Variants in DYNC1I1 observed in about 807,000 individuals in gnomAD.
DYNC1I1 encodes dynein cytoplasmic 1 intermediate chain 1.
DYNC1I1 carries 43 observed loss-of-function variants against 86.6 expected under a neutral mutation model. The ratio of observed to expected loss-of-function variants is 0.50; its 90% confidence interval spans 0.39 to 0.64. DYNC1I1 has a LOEUF of 0.64. DYNC1I1 is among the 30% of genes least tolerant of loss of function. The pLI, the probability that DYNC1I1 is intolerant of heterozygous loss-of-function variation, is 0.00. For missense variants in DYNC1I1, 604 were observed against 788.8 expected, an observed-to-expected ratio of 0.77 and a Z score of 2.81; for synonymous variants, 262 against 283.7, an observed-to-expected ratio of 0.92 and a Z score of 0.77.
intron 1 of DYNC1I1, among the ~76,000 whole-genome samples, chr7:95,775,427 G>A (rs1326127404): frequency 6.6e-6 from 1 of 152,200 alleles, no homozygotes; most frequent in Non-Finnish European, 1.5e-5. Flanking sequence ...GGCAGAGGTA[G>A]GATTCAAATG....
chr7:95,958,701 A>G (rs1399246470), intron 6 of DYNC1I1, among the ~76,000 whole-genome samples: 2 of 152,262 alleles, frequency 1.3e-5, no homozygotes, highest in Non-Finnish European at 2.9e-5. Context: ...GAATTTTCTA[A>G]GCTAATTGAC....
At chr7:95,917,768 C>T (rs1381159003) in intron 6 of DYNC1I1, among the ~76,000 whole-genome samples, 1 of 152,188 alleles carries the variant, frequency 6.6e-6, no homozygotes, top group African/African-American at 2.4e-5. Flanking sequence ...GGGCACTGGG[C>T]ACTCGCCGTC....
intron 4 of DYNC1I1, among the ~76,000 whole-genome samples, chr7:95,817,856 T>C (rs1237115841): frequency 1.3e-5 from 2 of 152,148 alleles, no homozygotes; most frequent in Non-Finnish European, 2.9e-5. Context: ...CACAAGGGAC[T>C]TTGCACTAGG....
intron 15 of DYNC1I1, among the ~76,000 whole-genome samples, chr7:96,078,519 G>T (rs1317879668): frequency 6.6e-6 from 1 of 152,064 alleles, no homozygotes; most frequent in East Asian, 1.9e-4. Context: ...TATATGAAAA[G>T]AAACTATTTT....
chr7:95,988,644 A>G (rs932633804), intron 9 of DYNC1I1, among the ~76,000 whole-genome samples: 3 of 152,234 alleles, frequency 2.0e-5, no homozygotes, highest in South Asian at 4.1e-4. Flanking sequence ...TCCTTCCTGC[A>G]ATAACACTGA....
At chr7:95,870,341 C>T (rs1790129737) in intron 6 of DYNC1I1, among the ~76,000 whole-genome samples, 1 of 152,064 alleles carries the variant, frequency 6.6e-6, no homozygotes, top group African/African-American at 2.4e-5. Flanking sequence ...GAATCTTAAG[C>T]ATACATTAAG....
chr7:95,801,192 C>T (rs149051612), intron 1 of DYNC1I1, among the ~76,000 whole-genome samples: 28 of 152,286 alleles, frequency 1.8e-4, no homozygotes, highest in Admixed American at 1.4e-3. Context: ...TAACCTACTG[C>T]ATTTAAAGAC....
chr7:96,045,217 G>A (rs944600301), intron 14 of DYNC1I1, among the ~76,000 whole-genome samples: 1 of 152,188 alleles, frequency 6.6e-6, no homozygotes, highest in African/African-American at 2.4e-5. Flanking sequence ...AGTAACATAA[G>A]ATATTACTGT....
At chr7:95,846,627 C>CTG (rs1236489557) in intron 5 of DYNC1I1, among the ~76,000 whole-genome samples, 2,097 of 136,512 alleles carry the variant, frequency 0.015, 63 homozygotes, top group African/African-American at 0.054. Context: ...ATCTCTCTCT[C>CTG]TGTGTGTGTG....
At chr7:95,957,120 A>G (rs956659367) in intron 6 of DYNC1I1, among the ~76,000 whole-genome samples, 3 of 152,220 alleles carry the variant, frequency 2.0e-5, no homozygotes, top group Non-Finnish European at 2.9e-5. Flanking sequence ...CAATAGGGGC[A>G]ATATAATGAA....
At chr7:96,045,234 G>A (rs1789174393) in intron 14 of DYNC1I1, among the ~76,000 whole-genome samples, 1 of 152,232 alleles carries the variant, frequency 6.6e-6, no homozygotes, top group African/African-American at 2.4e-5. Context: ...CTGTTAGAAA[G>A]TGAGATGTTT....
chr7:95,831,293 A>T (rs1424839431), intron 5 of DYNC1I1, among the ~76,000 whole-genome samples: 1 of 152,140 alleles, frequency 6.6e-6, no homozygotes, highest in Non-Finnish European at 1.5e-5. Context: ...TTGATTTTTA[A>T]GCAATTATTT....
At chr7:95,866,122 T>G (rs1254055786) in intron 5 of DYNC1I1, among the ~76,000 whole-genome samples, 1 of 152,160 alleles carries the variant, frequency 6.6e-6, no homozygotes, top group Admixed American at 6.5e-5. Context: ...CTCCTTTGCT[T>G]AGTTTAACTT....
At chr7:95,938,639 G>T (rs1259300147) in intron 6 of DYNC1I1, among the ~76,000 whole-genome samples, 1 of 152,216 alleles carries the variant, frequency 6.6e-6, no homozygotes, top group Middle Eastern at 3.4e-3. Context: ...CTGTAATATG[G>T]ATCATGAGGT....
At chr7:95,839,139 T>A (rs1789205745) in intron 5 of DYNC1I1, among the ~76,000 whole-genome samples, 1 of 151,992 alleles carries the variant, frequency 6.6e-6, no homozygotes, top group Non-Finnish European at 1.5e-5. Context: ...CAAGCAATTC[T>A]CCTGCCTCAG....
intron 7 of DYNC1I1, 87 bp from the exon 8 acceptor site, chr7:95,984,728 C>T (rs1793540856): frequency 7.5e-7 from 1 of 1,327,152 alleles, no homozygotes. Context: ...AGCAGTCTCT[C>T]TCAAGAATTG....
At chr7:96,042,091 CA>C (rs1161530799) in intron 14 of DYNC1I1, among the ~76,000 whole-genome samples, 2 of 151,408 alleles carry the variant, frequency 1.3e-5, no homozygotes, top group Admixed American at 6.6e-5. Flanking sequence ...TTTAAACTAC[CA>C]AAAAAAATCT....
chr7:95,809,534 A>AT (rs758583679), intron 2 of DYNC1I1, among the ~76,000 whole-genome samples: 17 of 152,300 alleles, frequency 1.1e-4, no homozygotes, highest in Admixed American at 3.3e-4. Flanking sequence ...ATCTTAAGTA[A>AT]TAACTGTATT....
chr7:96,099,421 T>A (rs1791093606), downstream of DYNC1I1, among the ~76,000 whole-genome samples: 1 of 152,212 alleles, frequency 6.6e-6, no homozygotes, highest in Non-Finnish European at 1.5e-5. Flanking sequence ...TAATTCAGAC[T>A]GCTACGTGGT....
Sources: gnomAD v4.1 joint callset for allele counts (sites outside exome capture counted in the v4.1 genomes callset) on GRCh38, gnomAD v4.1.1 for gene constraint, MANE v1.5 for transcripts, NCBI Gene and HGNC (gene_info 2026-07-23, HGNC 2026-07-21) for gene names.